LMLN: variants seen among roughly 807,000 people sequenced by gnomAD.
LMLN encodes leishmanolysin like peptidase, also known as leishmanolysin-like peptidase.
A neutral mutation model predicts 92.3 loss-of-function variants in LMLN; 70 were observed. The observed-to-expected ratio is 0.76, with a 90% CI of 0.63 to 0.92. LMLN has a LOEUF of 0.92. LMLN is among the 40% of genes least tolerant of loss of function. The probability of loss-of-function intolerance (pLI) is 0.00; values close to 1 mark genes in which losing one functional copy is unlikely to be tolerated. For synonymous variants in LMLN, 308 were observed against 296.2 expected, an observed-to-expected ratio of 1.04 and a Z score of -0.41; for missense variants, 691 against 814.6, an observed-to-expected ratio of 0.85 and a Z score of 1.85.
At chr3:198,002,823 GT>G (rs1418522676) in intron 11 of LMLN, among the ~76,000 whole-genome samples, 191 bp from the exon 12 acceptor site, 1 of 152,188 alleles carries the variant, frequency 6.6e-6, no homozygotes, top group African/African-American at 2.4e-5. Context: ...CATAAGCCTG[GT>G]TATGGAATCC....
chr3:197,986,697 A>T (rs190831908), intron 8 of LMLN, among the ~76,000 whole-genome samples: 2 of 152,322 alleles, frequency 1.3e-5, no homozygotes, highest in Non-Finnish European at 2.9e-5. Context: ...AATTAAAAAC[A>T]ACCTCTCTAA....
chr3:198,033,559 G>A (rs535424884), intron 14 of LMLN, among the ~76,000 whole-genome samples: 2 of 151,710 alleles, frequency 1.3e-5, no homozygotes, highest in African/African-American at 4.8e-5. Context: ...CCACCATTAC[G>A]CCTGGCTAAT....
Position 198,019,342 on chromosome 3 carries a change from G to A in LMLN, c.1322G>A (p.Cys441Tyr). The change falls in exon 12 of 16, where the codon TGT becomes TAT. Residue 441 changes from cysteine (C) to tyrosine (Y), a missense_variant. Cys to Tyr is a radical substitution (Grantham distance 194, BLOSUM62 -2). This residue lies in a region of LMLN where 352 missense variants were observed against 443.6 expected (regional missense o/e 0.79). Transcript: ENST00000330198. The surrounding 1 kb of genome is among the most constrained non-coding windows in gnomAD (Gnocchi z 5.5). Reference sequence around the variant, plus strand: ...CAGGACCAGAGAGCAGTTGCCGTGTGTAATTTGCAGAAGTTCCCTAAGCCT... The same window carrying A: ...CAGGACCAGAGAGCAGTTGCCGTGTATAATTTGCAGAAGTTCCCTAAGCCT... 6.2e-7 allele frequency: 1 copy of A among 1,614,132 alleles called. No homozygotes were observed. The highest frequency in any genetic ancestry group is 8.5e-7 in the Non-Finnish European group (1 of 1,180,018).
At chr3:197,988,405 G>T (rs1412613412) in intron 8 of LMLN, among the ~76,000 whole-genome samples, 1 of 145,454 alleles carries the variant, frequency 6.9e-6, no homozygotes, top group Admixed American at 6.8e-5. Context: ...AATTTTTTTT[G>T]ATTTATGTAT....
chr3:197,984,564 C>A (rs533372774), intron 7 of LMLN, among the ~76,000 whole-genome samples: 1 of 151,890 alleles, frequency 6.6e-6, no homozygotes, highest in Non-Finnish European at 1.5e-5. Flanking sequence ...AGTGATCCCA[C>A]CTTAGCCTCC....
chr3:198,040,702 C>T (rs552541050), exon 16 of LMLN: 3 of 92,918 alleles, frequency 3.2e-5, no homozygotes, highest in East Asian at 5.5e-4. Context: ...CCACAACCCT[C>T]GGACAGACTC....
chr3:197,976,128 A>G lies in LMLN; in HGVS notation c.431+17A>G, dbSNP rs1271027641. ...ACTTAGCAGGTATGTCACATGAAAC[A>G]CAGATCATTTTCTTCAGCCGTTTAG... On this transcript the variant is annotated intron_variant, in intron 4 of 15. Transcript: ENST00000330198. The G allele has an allele frequency of 5.9e-6, 9 of 1,530,590 alleles. No homozygotes were observed. Among genetic ancestry groups the G allele is most frequent in the Non-Finnish European group, 8.1e-6 (9 of 1,113,636 alleles). The allele number at this position is 1,530,590 out of a possible 1,614,324, so 94.8% of individuals were successfully genotyped here.
At chr3:198,024,549 A>T (rs918878155) in intron 13 of LMLN, 109 bp from the exon 15 acceptor site, 19 of 1,040,830 alleles carry the variant, frequency 1.8e-5, no homozygotes, top group Non-Finnish European at 2.5e-5. Flanking sequence ...TTTCCATGAA[A>T]CATGTCTGAT....
intron 8 of LMLN, among the ~76,000 whole-genome samples, chr3:197,988,883 T>C (rs1210528097): frequency 1.3e-5 from 2 of 152,110 alleles, no homozygotes; most frequent in Admixed American, 6.5e-5. Context: ...AATTTCACCA[T>C]GTTTGCCAGG....
Position 198,006,933 on chromosome 3 carries a change from G to A in LMLN, c.1232+7591G>A, listed in dbSNP as rs144569818. Among the ~76,000 whole-genome samples the A allele has an allele frequency of 8.2e-4, 125 of 152,188 alleles. 1 individual carries two copies. Among genetic ancestry groups the A allele is most frequent in the African/African-American group, 2.9e-3 (121 of 41,514 alleles). On this transcript the variant is annotated intron_variant, in intron 11 of 15. Coordinates refer to ENST00000330198, the Ensembl canonical transcript of LMLN. ...TTACCATGTTGGCCAGGCTGGTCTC[G>A]AACTCCTGACCTCGTGATCCACCTG...
chr3:198,035,863 T>C (rs748244106), exon 15 of LMLN: 1 of 1,614,138 alleles, frequency 6.2e-7, no homozygotes, highest in Admixed American at 1.7e-5. Flanking sequence ...TCTGAAAGTT[T>C]GGGTCCAAGA....
At chr3:197,987,913 A>G (rs1197750116) in intron 8 of LMLN, among the ~76,000 whole-genome samples, 2 of 152,212 alleles carry the variant, frequency 1.3e-5, no homozygotes, top group African/African-American at 2.4e-5. Flanking sequence ...TTCCAGGACT[A>G]TAGTGAGGTT....
At chr3:198,026,783 G>GTGTT (rs1722944900) in intron 14 of LMLN, among the ~76,000 whole-genome samples, 1 of 152,074 alleles carries the variant, frequency 6.6e-6, no homozygotes, top group Admixed American at 6.6e-5. Context: ...GGAGTGTTTG[G>GTGTT]TGTTAGAGAC....
chr3:197,960,556 G>T, intron 1 of LMLN, 116 bp downstream of exon 1: 1 of 927,264 alleles, frequency 1.1e-6, no homozygotes, highest in Admixed American at 2.6e-5. Context: ...AATTGGGGCA[G>T]AGCCTGACTC....
At chr3:197,984,645 C>T (rs1475534923) in intron 7 of LMLN, among the ~76,000 whole-genome samples, 2 of 151,248 alleles carry the variant, frequency 1.3e-5, no homozygotes, top group African/African-American at 4.9e-5. Flanking sequence ...GATAAGGTCT[C>T]GCTATGTTGC....
Position 198,002,192 on chromosome 3 carries a change from C to G in LMLN, c.1232+2850C>G, listed in dbSNP as rs181893287. Among the ~76,000 whole-genome samples, 50 of 152,056 alleles carry G rather than the reference C, an allele frequency of 3.3e-4. 1 individual carries two copies. In the East Asian group the frequency reaches 9.1e-3, roughly 28 times the overall value. ...TTTGAGACAAGGTCTCACTCTATTT[C>G]CCAGGCTGGAGTGCAGTGGCATGAT... On this transcript the variant is annotated intron_variant, in intron 11 of 15. Transcript: ENST00000330198.
intron 1 of LMLN, among the ~76,000 whole-genome samples, chr3:197,960,858 G>T (rs1385708099): frequency 6.6e-6 from 1 of 152,140 alleles, no homozygotes; most frequent in Non-Finnish European, 1.5e-5. Context: ...TTTAGGAACC[G>T]CTGACCTGAA....
chr3:197,998,025 C>T (rs78735992), intron 10 of LMLN, among the ~76,000 whole-genome samples: 1 of 152,156 alleles, frequency 6.6e-6, no homozygotes, highest in South Asian at 2.1e-4. Context: ...AGATTCCCTT[C>T]GAGAAGGATA....
chr3:198,013,057 C>A (rs1267464047), intron 11 of LMLN, among the ~76,000 whole-genome samples: 1 of 138,080 alleles, frequency 7.2e-6, no homozygotes, highest in Non-Finnish European at 1.5e-5. Flanking sequence ...CTTCTCTGTA[C>A]CCTTCAGAGC....
Sources: allele counts gnomAD v4.1 joint callset (sites outside exome capture counted in the v4.1 genomes callset), GRCh38; gene constraint gnomAD v4.1.1; regional missense constraint gnomAD v4.1.1; non-coding constraint Gnocchi (gnomAD v3.1); transcripts MANE v1.5; gene names NCBI Gene and HGNC (gene_info 2026-07-23, HGNC 2026-07-21).